SCAF11: variants seen among roughly 807,000 people sequenced by gnomAD.
SCAF11 encodes the protein SR-related CTD associated factor 11.
Under a neutral mutation model 140.5 loss-of-function variants are expected in SCAF11, and 47 were observed. The ratio of observed to expected loss-of-function variants is 0.33; its 90% CI spans 0.26 to 0.43. The LOEUF is 0.43. Among genes scored for constraint, SCAF11 ranks in the 20% least tolerant of loss-of-function variants. SCAF11 has a pLI of 1.00. For synonymous variants in SCAF11, 557 were observed against 579.4 expected (o/e 0.96, Z 0.55); for missense variants, 1,645 against 1,705.1 (o/e 0.96, Z 0.62).
rs146879188 is a variant in SCAF11 at position 45,938,927 on chromosome 12, T to TTTA, written c.464-4423_464-4422insTAA. Among the ~76,000 whole-genome samples the TTTA allele has an allele frequency of 5.9e-3, 870 of 148,676 alleles. 15 individuals carry two copies. The highest frequency in any genetic ancestry group is 0.02 in the African/African-American group (812 of 40,066). On this transcript the variant is annotated intron_variant, in intron 6 of 14. Transcript: ENST00000369367. Reference sequence around the variant, plus strand: ...TAAACTACTATCCCAAACCAAAGATTAATGTTCATTCCAAGAAACAAAGTG... The same window carrying TTTA: ...TAAACTACTATCCCAAACCAAAGATTTTAAATGTTCATTCCAAGAAACAAAGTG...
chr12:45,980,134 G>A (rs576527709), intron 1 of SCAF11, among the ~76,000 whole-genome samples: 4 of 152,134 alleles, frequency 2.6e-5, no homozygotes, highest in African/African-American at 4.8e-5. Context: ...GCCCAAGATC[G>A]AAAAGCCAGC....
intron 6 of SCAF11, among the ~76,000 whole-genome samples, chr12:45,944,630 T>C (rs1356830600): frequency 2.6e-5 from 4 of 152,180 alleles, no homozygotes; most frequent in Admixed American, 2.0e-4. Context: ...ATAAACAGCC[T>C]GAACCCCCAA....
intron 2 of SCAF11, among the ~76,000 whole-genome samples, chr12:45,962,478 T>C (rs1424608911): frequency 6.6e-6 from 1 of 152,222 alleles, no homozygotes; most frequent in East Asian, 1.9e-4. Context: ...TGAATAGGTA[T>C]TAACAAATTA....
chr12:45,979,411 A>G (rs1946303100), intron 1 of SCAF11, among the ~76,000 whole-genome samples: 1 of 152,090 alleles, frequency 6.6e-6, no homozygotes. Context: ...ATAGGAAAAA[A>G]GGGATGATGT....
At chr12:45,962,000 C>T (rs1285782953) in intron 2 of SCAF11, 143 bp from the exon 3 acceptor site, 6 of 498,654 alleles carry the variant, frequency 1.2e-5, no homozygotes, top group Non-Finnish European at 2.0e-5. Flanking sequence ...AGCAAACATA[C>T]TGCTTGAGCC....
chr12:45,956,321 T>C (rs949882072), intron 3 of SCAF11: 37 of 601,516 alleles, frequency 6.2e-5, no homozygotes, highest in Non-Finnish European at 9.8e-5. Context: ...AAATAGAGCA[T>C]GTTATACAAA....
In SCAF11 at chr12:45,920,543, A is replaced by G. The variant is rs570735210; in HGVS notation, c.*1505T>C. 81 of 152,638 alleles carry G rather than the reference A, an allele frequency of 5.3e-4. No individual in the cohort carries two copies. The highest frequency in any genetic ancestry group is 1.9e-3 in the African/African-American group (78 of 41,538). The allele number at this position is 152,638 out of a possible 1,614,324, so 9.5% of individuals were successfully genotyped here. A position where few individuals can be genotyped will look rare whatever the true frequency, so the allele number is the denominator to read the frequency against. On this transcript the variant is annotated 3_prime_UTR_variant, in exon 15 of 15. Transcript: ENST00000369367. ...TTCTTTCAAGATGCCAGTTAAAATA[A>G]TGGCACAATAAACATTTTAAACTTA...
chr12:45,951,341 A>G (rs1269657470), intron 4 of SCAF11, among the ~76,000 whole-genome samples: 1 of 152,154 alleles, frequency 6.6e-6, no homozygotes, highest in Non-Finnish European at 1.5e-5. Flanking sequence ...AAGATATTCT[A>G]AAATGTTAAG....
At chr12:45,951,075 CAT>C (rs777819085) in intron 4 of SCAF11, among the ~76,000 whole-genome samples, 2 of 152,056 alleles carry the variant, frequency 1.3e-5, no homozygotes, top group Non-Finnish European at 2.9e-5. Flanking sequence ...AAAAAATTAA[CAT>C]AAATACAAAT....
At chr12:45,973,115 G>A (rs1300292597) in intron 1 of SCAF11, among the ~76,000 whole-genome samples, 1 of 149,122 alleles carries the variant, frequency 6.7e-6, no homozygotes, top group African/African-American at 2.5e-5. Flanking sequence ...CAAACAAACA[G>A]AAGACATAAA....
chr12:45,950,533 A>C (rs976868629), intron 4 of SCAF11, among the ~76,000 whole-genome samples: 1 of 152,216 alleles, frequency 6.6e-6, no homozygotes, highest in South Asian at 2.1e-4. Flanking sequence ...TTGCAATGTA[A>C]TTATACATAC....
intron 1 of SCAF11, among the ~76,000 whole-genome samples, chr12:45,982,068 G>A (rs1020022521): frequency 5.9e-5 from 9 of 152,160 alleles, no homozygotes; most frequent in African/African-American, 1.4e-4. Flanking sequence ...TTTTTAAAGA[G>A]TCTAAGTGGA....
chr12:45,976,453 A>G (rs1946237032), intron 1 of SCAF11, among the ~76,000 whole-genome samples: 1 of 152,138 alleles, frequency 6.6e-6, no homozygotes, highest in Non-Finnish European at 1.5e-5. Context: ...GAGTATGTAC[A>G]TATAGGAAAA....
chr12:45,979,752 T>C (rs1592225524), intron 1 of SCAF11, among the ~76,000 whole-genome samples: 1 of 152,144 alleles, frequency 6.6e-6, no homozygotes, highest in African/African-American at 2.4e-5. Flanking sequence ...TTATGTTACA[T>C]AAATGTATAT....
intron 1 of SCAF11, among the ~76,000 whole-genome samples, chr12:45,982,489 T>C (rs1300751359): frequency 9.9e-5 from 15 of 152,152 alleles, no homozygotes; most frequent in Non-Finnish European, 4.4e-5. Context: ...GGCAGATCAC[T>C]TGAGGTCAGG....
chr12:45,990,602 T>C, upstream of SCAF11: 3 of 1,220,738 alleles, frequency 2.5e-6, no homozygotes, highest in Middle Eastern at 6.3e-4. Flanking sequence ...TCTAGCCTCC[T>C]CCCTCCCCTC....
At chr12:45,955,991 A>T in intron 3 of SCAF11, 1 of 653,512 alleles carries the variant, frequency 1.5e-6, no homozygotes, top group Non-Finnish European at 2.7e-6. Context: ...TTTGATAGAA[A>T]AAAATAATCT....
At chr12:45,942,834 C>A (rs550082594) in intron 6 of SCAF11, among the ~76,000 whole-genome samples, 1 of 152,172 alleles carries the variant, frequency 6.6e-6, no homozygotes, top group East Asian at 1.9e-4. Flanking sequence ...CATTTATTAC[C>A]GCCTGTTTTA....
intron 6 of SCAF11, among the ~76,000 whole-genome samples, chr12:45,935,888 GATCGTTTCACAA>G (rs72022912): frequency 0.29 from 43,866 of 152,006 alleles, 6,552 homozygotes; most frequent in East Asian, 0.34. Context: ...GTTTCCTGAA[GATCGTTTCACAA>G]ATCCACCCTA....
Sources: allele counts gnomAD v4.1 joint callset (sites outside exome capture counted in the v4.1 genomes callset), GRCh38; gene constraint gnomAD v4.1.1; transcripts MANE v1.5; gene names NCBI Gene and HGNC (gene_info 2026-07-23, HGNC 2026-07-21).